LRRC4B: variants seen among roughly 807,000 people sequenced by gnomAD.
The protein encoded by LRRC4B is leucine rich repeat containing 4B.
In LRRC4B, 1 loss-of-function variant was observed where a neutral mutation model predicts 7.3. That is an observed-to-expected ratio of 0.14 (90% CI 0.05 to 0.65). The LOEUF is 0.65. Ranked by LOEUF, LRRC4B falls within the 30% of genes least tolerant of loss-of-function variation. The pLI, the probability that LRRC4B is intolerant of heterozygous loss-of-function variation, is 0.84. For missense variants in LRRC4B, 730 were observed against 1,041.6 expected (o/e 0.70, Z 4.12); for synonymous variants, 500 against 499.2 (o/e 1.00, Z -0.02).
chr19:50,550,327 C>A (rs1002679092), intron 1 of LRRC4B, among the ~76,000 whole-genome samples: 4 of 152,092 alleles, frequency 2.6e-5, no homozygotes, highest in African/African-American at 9.7e-5. Flanking sequence ...CACCAGCAGG[C>A]CCTGCCCCAA....
At chr19:50,522,459 A>ATTATTTATTTATTTATTTATTTAT (rs71332009) in intron 2 of LRRC4B, among the ~76,000 whole-genome samples, 6 of 147,094 alleles carry the variant, frequency 4.1e-5, no homozygotes, top group Non-Finnish European at 7.5e-5. Context: ...TATTTTATTT[A>ATTATTTATTTATTTATTTATTTAT]TTATTTATTT....
In LRRC4B at chr19:50,561,605, C is replaced by T. The variant is rs531988411; in HGVS notation, c.-36+6339G>A. ...CAAAAATTAGCTGGGTGTGGTGGTGCACGCCTGTAATCCCTGCTACTTGGG... is the reference window on the plus strand; with the variant it reads ...CAAAAATTAGCTGGGTGTGGTGGTGTACGCCTGTAATCCCTGCTACTTGGG... On this transcript the variant is annotated intron_variant, in intron 1 of 2. Coordinates refer to ENST00000652263, the MANE Select transcript of LRRC4B (RefSeq NM_001080457.2). Among the ~76,000 whole-genome samples the T allele has an allele frequency of 9.2e-5, 14 of 152,132 alleles. No homozygotes were observed. The South Asian group carries it at 2.9e-3, about 32-fold the overall frequency.
intron 2 of LRRC4B, among the ~76,000 whole-genome samples, chr19:50,524,838 A>C (rs1216965617): frequency 6.6e-6 from 1 of 152,164 alleles, no homozygotes; most frequent in Non-Finnish European, 1.5e-5. Context: ...AGCAGCCCCG[A>C]TGCTGGCGGC....
At chr19:50,541,386 A>G (rs1031279696) in intron 2 of LRRC4B, among the ~76,000 whole-genome samples, 2 of 78,312 alleles carry the variant, frequency 2.6e-5, no homozygotes, top group Admixed American at 1.7e-4. Context: ...AAAAAAAAAG[A>G]AAAAGAAAAA....
At position 50,553,100 on chromosome 19, in the gene LRRC4B, T is replaced by C. The variant is rs546965100; in HGVS notation, c.-35-4227A>G. Reference sequence around the variant, plus strand: ...GGTAAAGAGTTCTGTCTTCACAACATATGCGGAATCAGACCCCAGAATCAG... The same window carrying C: ...GGTAAAGAGTTCTGTCTTCACAACACATGCGGAATCAGACCCCAGAATCAG... On this transcript the variant is annotated intron_variant, in intron 1 of 2. Transcript: ENST00000652263. The surrounding 1 kb of genome is among the most constrained non-coding windows in gnomAD (Gnocchi z 4.2). Among the ~76,000 whole-genome samples the C allele has an allele frequency of 1.3e-3, 200 of 152,284 alleles. No individual in the cohort carries two copies. Among genetic ancestry groups the C allele is most frequent in the Non-Finnish European group, 2.3e-3 (155 of 68,034 alleles).
chr19:50,550,735 G>C (rs956195617), intron 1 of LRRC4B: 2 of 152,372 alleles, frequency 1.3e-5, no homozygotes, highest in African/African-American at 4.8e-5. Flanking sequence ...GGTTGATTCT[G>C]TGTCCACCCG....
chr19:50,557,864 T>A (rs1416458297), intron 1 of LRRC4B: 1 of 152,044 alleles, frequency 6.6e-6, no homozygotes, highest in African/African-American at 2.4e-5. Context: ...AACCGCCCCC[T>A]CCTCCTGCTC....
intron 1 of LRRC4B, among the ~76,000 whole-genome samples, chr19:50,566,491 G>T (rs1032600491): frequency 1.3e-5 from 2 of 151,616 alleles, no homozygotes; most frequent in African/African-American, 2.4e-5. Context: ...CGGGGAGGGG[G>T]CAGGGAGGAG....
intron 1 of LRRC4B, among the ~76,000 whole-genome samples, chr19:50,558,314 T>G (rs535404071): frequency 3.0e-4 from 46 of 152,184 alleles, no homozygotes; most frequent in African/African-American, 9.9e-4. Context: ...CACTGCAGCC[T>G]CCACCTCCCA....
Position 50,563,504 on chromosome 19 carries a change from C to T in LRRC4B, c.-36+4440G>A, listed in dbSNP as rs1235007730. ...GAGCGCTGCCAGGCACAGAGGGGAGCCCTGTCCTTTGCACCCCTATCTGGA... is the reference window on the plus strand; with the variant it reads ...GAGCGCTGCCAGGCACAGAGGGGAGTCCTGTCCTTTGCACCCCTATCTGGA... On this transcript the variant is annotated intron_variant, in intron 1 of 2. Transcript: ENST00000652263. This position sits in a 1 kb window ranked among gnomAD's most constrained non-coding sequence, Gnocchi z 4.9. 6.6e-6 allele frequency among the ~76,000 whole-genome samples: 1 copy of T among 152,158 alleles called. No individual in the cohort carries two copies. The highest frequency in any genetic ancestry group is 1.9e-4 in the East Asian group (1 of 5,184).
intron 1 of LRRC4B, among the ~76,000 whole-genome samples, chr19:50,562,503 G>A (rs1055167367): frequency 6.6e-6 from 1 of 152,242 alleles, no homozygotes; most frequent in African/African-American, 2.4e-5. Flanking sequence ...TTTGAGGCAA[G>A]GGGAGGGCCA....
Position 50,517,565 on chromosome 19 carries a change from G to C in LRRC4B, c.*6C>G, listed in dbSNP as rs979513120. ...CCACGCCCCTCGCCCGCCCGGCCCC[G>C]CCGCCTCAGATCTGCGTCTCTTGCA... is the stretch of plus-strand genomic sequence containing the variant. On this transcript the variant is annotated 3_prime_UTR_variant, in exon 3 of 3. Transcript: ENST00000652263. The surrounding 1 kb of genome is among the most constrained non-coding windows in gnomAD (Gnocchi z 6.6). 1.1e-5 allele frequency: 15 copies of C among 1,419,294 alleles called. No individual in the cohort carries two copies. In the South Asian group the frequency reaches 1.9e-4, roughly 18 times the overall value. The allele number at this position is 1,419,294 out of a possible 1,614,324, so 87.9% of individuals were successfully genotyped here. A position where few individuals can be genotyped will look rare whatever the true frequency, so the allele number is the denominator to read the frequency against.
rs754296358 is a variant in LRRC4B, at chr19:50,518,558, G to A, written c.1155C>T (p.Cys385=). 10 of 1,589,760 alleles carry A rather than the reference G, an allele frequency of 6.3e-6. No homozygotes were observed. In the South Asian group the frequency reaches 6.9e-5, roughly 11 times the overall value. Reference sequence around the variant, plus strand: ...CGGAGGTCATGGAGGTGCCCGTGCGGCATTTGAGCTCGGCAGCCATGCCCT... The same window carrying A: ...CGGAGGTCATGGAGGTGCCCGTGCGACATTTGAGCTCGGCAGCCATGCCCT... ...VTEGMAAELK[C]RTGTSMTSVN... is the part of the protein sequence containing the mutation. The change falls in exon 3 of 3, where the codon TGC becomes TGT. Residue 385 remains cysteine, a synonymous_variant. Coordinates refer to ENST00000652263, the MANE Select transcript of LRRC4B (RefSeq NM_001080457.2).
chr19:50,526,776 A>C (rs143038527), intron 2 of LRRC4B, among the ~76,000 whole-genome samples: 15 of 152,188 alleles, frequency 9.9e-5, no homozygotes, highest in African/African-American at 3.6e-4. Flanking sequence ...CCCAGAGCTA[A>C]TTTATGTTAA....
chr19:50,532,167 C>T (rs745693816), intron 2 of LRRC4B, among the ~76,000 whole-genome samples: 37 of 152,128 alleles, frequency 2.4e-4, no homozygotes, highest in Admixed American at 7.9e-4. Context: ...ACCCGGGAGG[C>T]GGAGGTTGCA....
Position 50,518,689 on chromosome 19 carries a change from C to A in LRRC4B, c.1024G>T (p.Ala342Ser). 6.2e-7 allele frequency: 1 copy of A among 1,613,806 alleles called. No homozygotes were observed. The highest frequency in any genetic ancestry group is 8.5e-7 in the Non-Finnish European group (1 of 1,179,910). The change falls in exon 3 of 3, where the codon GCG (alanine) becomes TCG (serine). Residue 342 changes from alanine to serine, a missense_variant. Physicochemically the swap from Ala to Ser is moderately conservative, Grantham distance 99. This residue lies in a region of LRRC4B where 226 missense variants were observed against 448.0 expected (regional missense o/e 0.50). Transcript: ENST00000652263. ...SNTTCCARCH[A>S]PAGLKGRYIG... ...TAGCGCCCCTTGAGGCCGGCGGGCG[C>A]ATGACAGCGGGCGCAGCACGTCGTG...
At chr19:50,535,899 C>G (rs1035952547) in intron 2 of LRRC4B, among the ~76,000 whole-genome samples, 4 of 152,222 alleles carry the variant, frequency 2.6e-5, no homozygotes, top group African/African-American at 9.7e-5. Context: ...GGCATCTGAA[C>G]CTGGGTGTAA....
At chr19:50,550,125 A>G (rs1981991745) in intron 1 of LRRC4B, among the ~76,000 whole-genome samples, 1 of 152,126 alleles carries the variant, frequency 6.6e-6, no homozygotes, top group Admixed American at 6.5e-5. Flanking sequence ...CCTCATAATG[A>G]CCATAGGAGA....
At position 50,519,169 on chromosome 19, in the gene LRRC4B, G is replaced by C; in HGVS notation, c.544C>G (p.Pro182Ala). ...CCCAGGTCCAGGCGCCGCAGCGAGGGCACGCGGTTGAAGGCGTAGGAGGGG... is the reference window on the plus strand; with the variant it reads ...CCCAGGTCCAGGCGCCGCAGCGAGGCCACGCGGTTGAAGGCGTAGGAGGGG... ...SIPSYAFNRV[P>A]SLRRLDLGEL... is the part of the protein sequence containing the mutation. The change falls in exon 3 of 3, where the codon CCC becomes GCC. Residue 182 changes from proline to alanine, a missense_variant. Around this residue, in one of 6 missense-constraint regions of LRRC4B, gnomAD observed 226 missense variants for 448.0 expected, o/e 0.50. Transcript: ENST00000652263. This position sits in a 1 kb window ranked among gnomAD's most constrained non-coding sequence, Gnocchi z 8.1. 3 of 1,613,676 alleles carry C rather than the reference G, an allele frequency of 1.9e-6. No homozygotes were observed. Among genetic ancestry groups the C allele is most frequent in the Non-Finnish European group, 2.5e-6 (3 of 1,179,994 alleles).
Sources: gnomAD v4.1 joint callset for allele counts (sites outside exome capture counted in the v4.1 genomes callset) on GRCh38, gnomAD v4.1.1 for gene constraint, gnomAD v4.1.1 regional missense constraint, Gnocchi (gnomAD v3.1) non-coding constraint, MANE v1.5 for transcripts, NCBI Gene and HGNC (gene_info 2026-07-23, HGNC 2026-07-21) for gene names.